AVEN: variants seen among roughly 807,000 people sequenced by gnomAD.
AVEN encodes apoptosis and caspase activation inhibitor.
In AVEN, 41 loss-of-function variants were observed where a neutral mutation model predicts 38.1. The ratio of observed to expected loss-of-function variants is 1.08; its 90% CI spans 0.84 to 1.40. The LOEUF is 1.40. Ranked by LOEUF, AVEN falls within the 40% of genes most tolerant of loss-of-function variation. The pLI is 0.00. For synonymous variants in AVEN, 206 were observed against 171.8 expected, an observed-to-expected ratio of 1.20 and a Z score of -1.56; for missense variants, 605 against 438.8, an observed-to-expected ratio of 1.38 and a Z score of -3.38.
chr15:33,861,012 A>G (rs1567356321), intron 11 of AVEN: 6 of 1,208,240 alleles, frequency 5.0e-6, no homozygotes, highest in African/African-American at 1.5e-5. Context: ...CGATAGAATC[A>G]TGACAGTTTT....
rs186635765 is a variant in AVEN at position 33,994,029 on chromosome 15, C to T, written c.445+9003G>A. Among the ~76,000 whole-genome samples the T allele has an allele frequency of 1.2e-3, 184 of 152,284 alleles. 3 individuals are homozygous for T. The highest frequency in any genetic ancestry group is 0.011 in the Admixed American group (171 of 15,294). ...GAACATACAGCTGTGAACATTTGGG[C>T]ACACACGTGCTGGAGTTTCTCTAGA... is the stretch of plus-strand genomic sequence containing the variant. On this transcript the variant is annotated intron_variant, in intron 2 of 5. Transcript: ENST00000306730.
intron 1 of AVEN, among the ~76,000 whole-genome samples, chr15:34,034,445 TTA>T (rs1899022458): frequency 1.2e-5 from 1 of 86,160 alleles, no homozygotes; most frequent in South Asian, 4.6e-4. Context: ...AGTTTCTTTT[TTA>T]AAAAAAAAAA....
chr15:34,035,771 TA>T (rs1271306263), intron 1 of AVEN, among the ~76,000 whole-genome samples: 1 of 141,628 alleles, frequency 7.1e-6, no homozygotes, highest in Non-Finnish European at 1.6e-5. Context: ...GGGGCAGTGA[TA>T]GGGGGATTAT....
chr15:34,028,617 G>C (rs1208173494), intron 1 of AVEN, among the ~76,000 whole-genome samples: 1 of 152,042 alleles, frequency 6.6e-6, no homozygotes, highest in African/African-American at 2.4e-5. Context: ...AGAGAGGACA[G>C]CAAAGTGGCA....
chr15:33,888,876 C>T (rs1010197129), intron 2 of AVEN, among the ~76,000 whole-genome samples: 1 of 152,166 alleles, frequency 6.6e-6, no homozygotes, highest in Middle Eastern at 3.4e-3. Flanking sequence ...TTAGCCTCCC[C>T]AAGTAGCTAG....
At position 33,990,296 on chromosome 15, in the gene AVEN, C is replaced by T. The variant is rs543859310; in HGVS notation, c.445+12736G>A. On this transcript the variant is annotated intron_variant, in intron 2 of 5. Coordinates refer to ENST00000306730, the MANE Select transcript of AVEN (RefSeq NM_020371.3). ...ACTCAGGAGGCTAAGGCAGGAGAAT[C>T]GCTAGAACCTGGGAGGCAGAGGCTG... is the stretch of plus-strand genomic sequence containing the variant. 1.1e-3 allele frequency among the ~76,000 whole-genome samples: 162 copies of T among 152,082 alleles called. 2 individuals are homozygous for T. Among genetic ancestry groups the T allele is most frequent in the African/African-American group, 3.8e-3 (157 of 41,494 alleles).
intron 2 of AVEN, among the ~76,000 whole-genome samples, chr15:33,901,131 G>T (rs765030416): frequency 1.8e-4 from 27 of 152,172 alleles, no homozygotes; most frequent in Admixed American, 9.2e-4. Context: ...GCTGGGTGTG[G>T]TGGTAGGCGC....
intron 2 of AVEN, among the ~76,000 whole-genome samples, chr15:33,955,999 A>T (rs1013723082): frequency 4.6e-5 from 7 of 152,226 alleles, no homozygotes; most frequent in African/African-American, 1.7e-4. Flanking sequence ...TTTTCATTCC[A>T]TTAAAAATTC....
chr15:33,916,094 C>T (rs868100870), intron 2 of AVEN, among the ~76,000 whole-genome samples: 1 of 152,152 alleles, frequency 6.6e-6, no homozygotes, highest in Non-Finnish European at 1.5e-5. Context: ...TACCTGCCCT[C>T]GTAGCCCAAG....
intron 2 of AVEN, among the ~76,000 whole-genome samples, chr15:33,967,330 A>G (rs1895429313): frequency 6.6e-6 from 1 of 152,154 alleles, no homozygotes; most frequent in African/African-American, 2.4e-5. Context: ...CTGAGACACA[A>G]GGAATTTAAA....
At chr15:33,907,032 G>A (rs1334701286) in intron 2 of AVEN, among the ~76,000 whole-genome samples, 1 of 152,104 alleles carries the variant, frequency 6.6e-6, no homozygotes. Context: ...TTACAACCAA[G>A]TTCTTCTACC....
chr15:33,984,248 C>G (rs758739352), intron 2 of AVEN, among the ~76,000 whole-genome samples: 2 of 152,068 alleles, frequency 1.3e-5, no homozygotes, highest in African/African-American at 2.4e-5. Flanking sequence ...ACTGTATTAT[C>G]TTTGTAACTC....
At chr15:33,930,516 T>C (rs1893801243) in intron 2 of AVEN, among the ~76,000 whole-genome samples, 2 of 152,240 alleles carry the variant, frequency 1.3e-5, no homozygotes. Context: ...CTCAAAGACA[T>C]GGAGCTAAAT....
chr15:33,854,844 T>C (rs376267599), downstream of AVEN: 40 of 1,613,808 alleles, frequency 2.5e-5, no homozygotes, highest in African/African-American at 5.3e-5. Context: ...TGCTCACCTA[T>C]TGGACATCGC....
intron 5 of AVEN, among the ~76,000 whole-genome samples, chr15:34,060,391 T>G (rs1900295416): frequency 6.6e-6 from 1 of 152,174 alleles, no homozygotes; most frequent in African/African-American, 2.4e-5. Flanking sequence ...CCATATTGAA[T>G]TTGAGGTGTT....
chr15:34,005,369 C>A (rs546569979), intron 1 of AVEN, among the ~76,000 whole-genome samples: 1 of 152,138 alleles, frequency 6.6e-6, no homozygotes, highest in Non-Finnish European at 1.5e-5. Flanking sequence ...CCTATTTTTA[C>A]GACCCTGACT....
chr15:33,881,958 G>A (rs1408416230), intron 2 of AVEN, among the ~76,000 whole-genome samples: 1 of 152,196 alleles, frequency 6.6e-6, no homozygotes, highest in Non-Finnish European at 1.5e-5. Context: ...TGTGTCTTAG[G>A]AGTCATAAGA....
downstream of AVEN, chr15:33,865,543 G>A (rs991186019): frequency 2.6e-5 from 7 of 270,982 alleles, no homozygotes; most frequent in African/African-American, 4.4e-5. Context: ...TGAAGGAAAG[G>A]GCTAGAGAAG....
intron 5 of AVEN, among the ~76,000 whole-genome samples, chr15:34,049,888 C>CTTTT (rs61235689): frequency 7.3e-6 from 1 of 137,102 alleles, no homozygotes; most frequent in Non-Finnish European, 1.6e-5. Context: ...TCAACATCAA[C>CTTTT]TTTTTTTTTT....
Sources: gnomAD v4.1 joint callset for allele counts (sites outside exome capture counted in the v4.1 genomes callset) on GRCh38, gnomAD v4.1.1 for gene constraint, MANE v1.5 for transcripts, NCBI Gene and HGNC (gene_info 2026-07-23, HGNC 2026-07-21) for gene names.